Variants in DPP10 observed in about 807,000 individuals in gnomAD.
DPP10 encodes the protein dipeptidyl peptidase like 10, also known as inactive dipeptidyl peptidase 10.
In DPP10, 33 loss-of-function variants were observed where a neutral mutation model predicts 120.9. The observed-to-expected ratio is 0.27, with a 90% CI of 0.21 to 0.37. The LOEUF is 0.37. Among genes scored for constraint, DPP10 ranks in the 10% least tolerant of loss-of-function variants. The probability of loss-of-function intolerance (pLI) is 1.00; values close to 1 mark genes in which losing one functional copy is unlikely to be tolerated. For missense variants in DPP10, 816 were observed against 942.8 expected, an observed-to-expected ratio of 0.87 and a Z score of 1.76; for synonymous variants, 337 against 326.1, an observed-to-expected ratio of 1.03 and a Z score of -0.36.
intron 4 of DPP10, among the ~76,000 whole-genome samples, chr2:115,503,470 C>G (rs1238441568): frequency 6.6e-6 from 1 of 152,108 alleles, no homozygotes; most frequent in East Asian, 1.9e-4. Context: ...AAAACAAACA[C>G]AGTAGCACAG....
chr2:115,423,000 T>C (rs1199460103), intron 3 of DPP10, among the ~76,000 whole-genome samples: 1 of 152,096 alleles, frequency 6.6e-6, no homozygotes, highest in Admixed American at 6.5e-5. Flanking sequence ...AACTGAAATA[T>C]ACTGTGAACC....
intron 3 of DPP10, among the ~76,000 whole-genome samples, chr2:115,455,896 C>T (rs1329696977): frequency 6.6e-6 from 1 of 152,102 alleles, no homozygotes; most frequent in African/African-American, 2.4e-5. Flanking sequence ...CCATTCAGGA[C>T]ATAGGCATGG....
At chr2:114,654,971 T>A (rs1265098123) in intron 1 of DPP10, among the ~76,000 whole-genome samples, 2 of 152,196 alleles carry the variant, frequency 1.3e-5, no homozygotes, top group Non-Finnish European at 2.9e-5. Context: ...TTTTTTCCAA[T>A]TTCCCCACTC....
At chr2:114,951,851 G>C (rs1697810959) in intron 1 of DPP10, among the ~76,000 whole-genome samples, 1 of 151,858 alleles carries the variant, frequency 6.6e-6, no homozygotes, top group South Asian at 2.1e-4. Flanking sequence ...AAGCATATCT[G>C]GTTAATTAAA....
intron 1 of DPP10, among the ~76,000 whole-genome samples, chr2:114,813,463 A>G (rs1685357483): frequency 6.6e-6 from 1 of 152,180 alleles, no homozygotes; most frequent in South Asian, 2.1e-4. Flanking sequence ...GTGTCTCTAC[A>G]TACTTTGGCT....
At chr2:115,171,665 C>T (rs10445863) in intron 1 of DPP10, among the ~76,000 whole-genome samples, 79,093 of 150,850 alleles carry the variant, frequency 0.52, 21,075 homozygotes, top group Non-Finnish European at 0.58. Context: ...ACAAAGCCTT[C>T]GGTGGTGTCA....
chr2:115,064,762 T>A (rs1262339055), intron 1 of DPP10: 1 of 1,303,996 alleles, frequency 7.7e-7, no homozygotes, highest in Non-Finnish European at 1.0e-6. Flanking sequence ...TTAGCAATGG[T>A]CATCACAGAG....
At chr2:114,589,404 G>A (rs954231228) in intron 1 of DPP10, among the ~76,000 whole-genome samples, 36 of 152,234 alleles carry the variant, frequency 2.4e-4, no homozygotes, top group African/African-American at 8.2e-4. Context: ...CAGATATAAC[G>A]TGAATTCTGC....
At chr2:114,963,487 G>C (rs1161249042) in intron 1 of DPP10, among the ~76,000 whole-genome samples, 1 of 152,158 alleles carries the variant, frequency 6.6e-6, no homozygotes. Context: ...GGAAAAATGT[G>C]TATTAACACA....
At chr2:114,531,975 A>T (rs1161206795) in intron 1 of DPP10, among the ~76,000 whole-genome samples, 2 of 151,970 alleles carry the variant, frequency 1.3e-5, no homozygotes, top group Non-Finnish European at 2.9e-5. Flanking sequence ...GGCGTCATCT[A>T]ATCCACTGAG....
intron 5 of DPP10, among the ~76,000 whole-genome samples, chr2:115,603,560 G>GGTT (rs1553459798): frequency 3.2e-5 from 4 of 126,428 alleles, no homozygotes; most frequent in African/African-American, 9.1e-5. Flanking sequence ...CGTTGTTGTT[G>GGTT]TTTTTTTTTG....
chr2:115,836,454 C>T (rs1156857634), intron 22 of DPP10, 53 bp from the exon 23 acceptor site: 1 of 1,562,612 alleles, frequency 6.4e-7, no homozygotes, highest in Non-Finnish European at 8.7e-7. Flanking sequence ...ATGAAATATG[C>T]CAGTCAAATA....
chr2:115,376,401 T>C (rs1433083029), intron 3 of DPP10, among the ~76,000 whole-genome samples: 2 of 152,068 alleles, frequency 1.3e-5, no homozygotes, highest in African/African-American at 4.8e-5. Context: ...AAAGACTGGG[T>C]TTAGAGTATT....
Position 114,913,213 on chromosome 2 carries a change from C to T in DPP10, c.61-396026C>T, listed in dbSNP as rs189896137. ...GTAAGTGGGCATCCACCAGCTAGTA[C>T]CCATGCACAGCCTTCCCCCATCGGC... On this transcript the variant is annotated intron_variant, in intron 1 of 25. Transcript: ENST00000410059. 5.7e-3 allele frequency among the ~76,000 whole-genome samples: 871 copies of T among 152,318 alleles called. 5 individuals carry two copies. Among genetic ancestry groups the T allele is most frequent in the Non-Finnish European group, 9.2e-3 (628 of 68,020 alleles).
chr2:115,273,781 G>A (rs1317791223), intron 1 of DPP10, among the ~76,000 whole-genome samples: 1 of 152,166 alleles, frequency 6.6e-6, no homozygotes, highest in Non-Finnish European at 1.5e-5. Context: ...TGTTTCTGGA[G>A]CCCAGTACCA....
chr2:115,168,651 T>C (rs888923672), intron 1 of DPP10, among the ~76,000 whole-genome samples: 7 of 152,228 alleles, frequency 4.6e-5, no homozygotes, highest in Non-Finnish European at 1.0e-4. Flanking sequence ...TTACCTTCTT[T>C]CTACACGGTA....
At chr2:114,727,818 G>C (rs968584876) in intron 1 of DPP10, among the ~76,000 whole-genome samples, 2 of 152,104 alleles carry the variant, frequency 1.3e-5, no homozygotes, top group African/African-American at 4.8e-5. Context: ...AGGTGATAAC[G>C]CTAATAATGA....
chr2:115,305,575 T>A (rs902557315), intron 1 of DPP10, among the ~76,000 whole-genome samples: 1 of 151,734 alleles, frequency 6.6e-6, no homozygotes, highest in Admixed American at 6.6e-5. Context: ...TTACAAAAAA[T>A]AATTTTAAAA....
intron 1 of DPP10, among the ~76,000 whole-genome samples, chr2:114,840,486 T>C (rs13412091): frequency 0.051 from 7,770 of 152,130 alleles, 606 homozygotes; most frequent in African/African-American, 0.18. Flanking sequence ...TCCTGCGAAC[T>C]AAAAAGACCT....
Sources: allele counts gnomAD v4.1 joint callset (sites outside exome capture counted in the v4.1 genomes callset), GRCh38; gene constraint gnomAD v4.1.1; transcripts MANE v1.5; gene names NCBI Gene and HGNC (gene_info 2026-07-23, HGNC 2026-07-21).